RBM44: variants seen among roughly 807,000 people sequenced by gnomAD.
RBM44 encodes the protein RNA-binding protein 44.
Under a neutral mutation model 105.1 loss-of-function variants are expected in RBM44, and 66 were observed. The ratio of observed to expected loss-of-function variants is 0.63; its 90% CI spans 0.52 to 0.77. The LOEUF (loss-of-function observed/expected upper bound fraction) is 0.77, where lower values mean the gene tolerates loss of function less well. Ranked by LOEUF, RBM44 falls within the 30% of genes least tolerant of loss-of-function variation. RBM44 has a pLI of 0.00. For synonymous variants in RBM44, 365 were observed against 417.6 expected (o/e 0.87, Z 1.54); for missense variants, 1,122 against 1,207.8 (o/e 0.93, Z 1.05).
intron 15 of RBM44, among the ~76,000 whole-genome samples, chr2:237,835,969 C>T (rs2061955340): frequency 6.6e-6 from 1 of 152,140 alleles, no homozygotes; most frequent in Admixed American, 6.5e-5. Context: ...GAAGCTGTAG[C>T]AAGATGCCCA....
rs1466309739 is a variant in RBM44, at chr2:237,803,395, A to AT, written c.-19+4535dup. Among the ~76,000 whole-genome samples the AT allele has an allele frequency of 3.9e-5, 6 of 152,142 alleles. No individual in the cohort carries two copies. Among genetic ancestry groups the AT allele is most frequent in the Admixed American group, 6.6e-5 (1 of 15,254 alleles). ...CACACACAAATTTTAAGCCATTCTA[A>AT]TGAATGTGAAGTGGTACCGTGGTTG... On this transcript the variant is annotated intron_variant, in intron 1 of 15. Transcript: ENST00000316997. This position sits in a 1 kb window ranked among gnomAD's most constrained non-coding sequence, Gnocchi z 4.2.
intron 1 of RBM44, among the ~76,000 whole-genome samples, chr2:237,808,236 T>G (rs112530409): frequency 0.022 from 3,408 of 152,196 alleles, 131 homozygotes; most frequent in African/African-American, 0.077. Context: ...GCGGATCACT[T>G]GAGACCAGGA....
chr2:237,803,361 TCA>T lies in RBM44; in HGVS notation c.-19+4515_-19+4516del, dbSNP rs150780739. On this transcript the variant is annotated intron_variant, in intron 1 of 15. Transcript: ENST00000316997. The surrounding 1 kb of genome is among the most constrained non-coding windows in gnomAD (Gnocchi z 4.2). ...CACACACACATACTTTCTCTCTCAC[TCA>T]CACACACACACACAAATTTTAAGCC... is the stretch of plus-strand genomic sequence containing the variant. Among the ~76,000 whole-genome samples, 6 of 146,206 alleles carry T rather than the reference TCA, an allele frequency of 4.1e-5. No individual in the cohort carries two copies. The highest frequency in any genetic ancestry group is 7.5e-5 in the African/African-American group (3 of 39,838).
chr2:237,829,497 G>C lies in RBM44; in HGVS notation c.2881G>C (p.Asp961His). ...GCAAGACAGTGAGGTTTTCCCTTCC[G>C]ACCAGGTTAGTGTTTTTGATAGATC... is the stretch of plus-strand genomic sequence containing the variant. ...SEQDSEVFPSDQGVKKNCKQI... is the reference protein window; with the variant it reads ...SEQDSEVFPSHQGVKKNCKQI... The change falls in exon 13 of 16, where the codon GAC (aspartate) becomes CAC (histidine). Residue 961 changes from aspartate to histidine, a missense_variant. Around this residue, in one of 3 missense-constraint regions of RBM44, gnomAD observed 194 missense variants for 225.5 expected, o/e 0.86. Coordinates refer to ENST00000316997, the MANE Select transcript of RBM44 (RefSeq NM_001080504.3). The C allele has an allele frequency of 6.2e-7, 1 of 1,609,860 alleles. No individual in the cohort carries two copies. Among genetic ancestry groups the C allele is most frequent in the Non-Finnish European group, 8.5e-7 (1 of 1,178,232 alleles).
At chr2:237,839,005 T>C (rs2061985021) in intron 15 of RBM44, among the ~76,000 whole-genome samples, 1 of 152,108 alleles carries the variant, frequency 6.6e-6, no homozygotes, top group African/African-American at 2.4e-5. Context: ...ATAAACCACA[T>C]TGTTTGTATA....
intron 1 of RBM44, among the ~76,000 whole-genome samples, chr2:237,811,464 T>G (rs2061657422): frequency 6.6e-6 from 1 of 152,020 alleles, no homozygotes; most frequent in Admixed American, 6.6e-5. Flanking sequence ...AGTCGGGGTT[T>G]TGCCATGTTA....
intron 1 of RBM44, among the ~76,000 whole-genome samples, chr2:237,801,199 A>G (rs1291158683): frequency 2.6e-5 from 4 of 152,094 alleles, no homozygotes; most frequent in Admixed American, 6.5e-5. Context: ...GTGCATGCCT[A>G]TAGTTCAGCC....
At chr2:237,807,662 AG>A (rs1224486401) in intron 1 of RBM44, among the ~76,000 whole-genome samples, 2 of 152,204 alleles carry the variant, frequency 1.3e-5, no homozygotes, top group Non-Finnish European at 2.9e-5. Flanking sequence ...AGAGGACAAA[AG>A]TCAGAGTCTT....
At chr2:237,808,717 A>G (rs1312430226) in intron 1 of RBM44, among the ~76,000 whole-genome samples, 1 of 152,216 alleles carries the variant, frequency 6.6e-6, no homozygotes, top group Non-Finnish European at 1.5e-5. Flanking sequence ...CTGGAGTCTT[A>G]TAAAGGAAAC....
intron 8 of RBM44, among the ~76,000 whole-genome samples, chr2:237,822,183 A>G (rs867401737): frequency 5.9e-5 from 9 of 152,122 alleles, no homozygotes; most frequent in African/African-American, 2.2e-4. Flanking sequence ...AATTAAAACT[A>G]ACACTTTGTA....
chr2:237,807,322 A>G (rs1415120358), intron 1 of RBM44, among the ~76,000 whole-genome samples: 1 of 152,112 alleles, frequency 6.6e-6, no homozygotes, highest in African/African-American at 2.4e-5. Flanking sequence ...CTAATTTTTT[A>G]TATTTTTAGT....
rs1340652028 is a variant in RBM44, at chr2:237,842,101, G to C, written c.*285G>C. The C allele has an allele frequency of 6.6e-6, 1 of 151,834 alleles. No individual in the cohort carries two copies. The highest frequency in any genetic ancestry group is 2.4e-5 in the African/African-American group (1 of 41,354). 9.4% of individuals were successfully genotyped at this position (151,834 alleles called of 1,614,324 possible). ...TCAATTTTGTTACTTAGAACATTAA[G>C]ATGCATATTTGTGATCTAAAGAAAT... On this transcript the variant is annotated 3_prime_UTR_variant, in exon 16 of 16. Transcript: ENST00000316997.
Position 237,841,058 on chromosome 2 carries a change from C to G in RBM44, c.*23-781C>G, listed in dbSNP as rs1413821744. Among the ~76,000 whole-genome samples the G allele has an allele frequency of 6.6e-6, 1 of 152,204 alleles. No individual in the cohort carries two copies. Among genetic ancestry groups the G allele is most frequent in the Non-Finnish European group, 1.5e-5 (1 of 68,030 alleles). On this transcript the variant is annotated intron_variant, in intron 15 of 15. Transcript: ENST00000316997. This position sits in a 1 kb window ranked among gnomAD's most constrained non-coding sequence, Gnocchi z 4.5. ...CAGAACTACCATTCGGGCCAGCAATCCCATTGTTGAGTATATGCCCAAAGG... is the reference window on the plus strand; with the variant it reads ...CAGAACTACCATTCGGGCCAGCAATGCCATTGTTGAGTATATGCCCAAAGG...
At chr2:237,800,150 C>CTGTTAT (rs1193528430) in intron 1 of RBM44, among the ~76,000 whole-genome samples, 1 of 151,850 alleles carries the variant, frequency 6.6e-6, no homozygotes, top group African/African-American at 2.4e-5. Context: ...ACTGTTGTTA[C>CTGTTAT]TGTTATTGTT....
chr2:237,829,421 A>G lies in RBM44; in HGVS notation c.2805A>G (p.Glu935=). The change falls in exon 13 of 16, where the codon GAA becomes GAG. Residue 935 remains glutamate, a synonymous_variant. Transcript: ENST00000316997. ...GCACCAACAAACAAATCCACTCAGA[A>G]TTCTCCATTTCTAGATTGCCCAGAA... ...EKSTNKQIHS[E]FSISRLPRTR... The G allele has an allele frequency of 6.8e-6, 11 of 1,613,786 alleles. No individual in the cohort carries two copies. The highest frequency in any genetic ancestry group is 9.3e-6 in the Non-Finnish European group (11 of 1,179,726).
intron 12 of RBM44, 43 bp downstream of exon 12, chr2:237,827,546 G>T (rs1295532543): frequency 9.0e-7 from 1 of 1,117,054 alleles, no homozygotes; most frequent in Admixed American, 2.2e-5. Flanking sequence ...TTATGTGTCT[G>T]CTGTTTGCCA....
rs978848842 is a variant in RBM44, at chr2:237,828,864, G to A, written c.2601-353G>A. 5.5e-5 allele frequency among the ~76,000 whole-genome samples: 8 copies of A among 144,810 alleles called. 1 individual carries two copies. Among genetic ancestry groups the A allele is most frequent in the Non-Finnish European group, 1.5e-5 (1 of 64,678 alleles). On this transcript the variant is annotated intron_variant, in intron 12 of 15. Coordinates refer to ENST00000316997, the MANE Select transcript of RBM44 (RefSeq NM_001080504.3). ...TATCTGAAGTTTACGTTTATACATA[G>A]GGATTAGTTTTAGGTTTTTAAGTTA... is the stretch of plus-strand genomic sequence containing the variant.
Position 237,817,233 on chromosome 2 carries a change from A to C in RBM44, c.314A>C (p.Tyr105Ser). The C allele has an allele frequency of 6.2e-7, 1 of 1,604,718 alleles. No homozygotes were observed. The highest frequency in any genetic ancestry group is 8.5e-7 in the Non-Finnish European group (1 of 1,176,404). Residue 105 changes from tyrosine (Y) to serine (S), a missense_variant, in exon 3 of 16, where the codon TAT becomes TCT. By Grantham distance (144) the Tyr-to-Ser change is moderately radical (BLOSUM62 -2). This residue lies in a region of RBM44 where 918 missense variants were observed against 955.3 expected (regional missense o/e 0.96). Transcript: ENST00000316997. ...QSSELEDSTD[Y>S]AFLNKTYSIP... ...AGTGAACTTGAAGACAGTACTGACT[A>C]TGCTTTCTTGAATAAAACATATTCT...
chr2:237,821,569 A>G (rs1286999300), intron 7 of RBM44, among the ~76,000 whole-genome samples, 174 bp from the exon 8 acceptor site: 1 of 152,112 alleles, frequency 6.6e-6, no homozygotes, highest in Non-Finnish European at 1.5e-5. Context: ...GATGTGTACT[A>G]ATCAAGTTGA....
Sources: allele counts gnomAD v4.1 joint callset (sites outside exome capture counted in the v4.1 genomes callset), GRCh38; gene constraint gnomAD v4.1.1; regional missense constraint gnomAD v4.1.1; non-coding constraint Gnocchi (gnomAD v3.1); transcripts MANE v1.5; gene names NCBI Gene and HGNC (gene_info 2026-07-23, HGNC 2026-07-21).